The following DCP2 variants were observed in gnomAD, a reference collection of about 807,000 sequenced individuals.
The protein encoded by DCP2 is decapping mRNA 2.
DCP2 carries 30 observed loss-of-function variants against 56.1 expected under a neutral mutation model. The observed-to-expected ratio is 0.53, with a 90% CI of 0.40 to 0.73. DCP2 has a LOEUF of 0.73. DCP2 is among the 30% of genes least tolerant of loss of function. The probability of loss-of-function intolerance (pLI) is 0.00; values close to 1 mark genes in which losing one functional copy is unlikely to be tolerated. For synonymous variants in DCP2, 197 were observed against 163.3 expected, an observed-to-expected ratio of 1.21 and a Z score of -1.57; for missense variants, 533 against 502.7, an observed-to-expected ratio of 1.06 and a Z score of -0.58.
rs969169699 is a variant in DCP2 at position 112,992,613 on chromosome 5, T to G, written c.334-59T>G. The G allele has an allele frequency of 3.2e-6, 4 of 1,248,548 alleles. No individual in the cohort carries two copies. In the African/African-American group the frequency reaches 4.7e-5, roughly 15 times the overall value. 77.3% of individuals were successfully genotyped at this position (1,248,548 alleles called of 1,614,324 possible). ...GTAAGGAGAAAAATGCCTTTGATTT[T>G]TAGAAAGGAGCATGGAAAAGGAGGG... On this transcript the variant is annotated intron_variant, in intron 3 of 10. Transcript: ENST00000389063.
chr5:112,995,896 G>C (rs1171362734), intron 4 of DCP2, among the ~76,000 whole-genome samples: 2 of 152,192 alleles, frequency 1.3e-5, no homozygotes, highest in East Asian at 3.9e-4. Flanking sequence ...GGAAGTCCAA[G>C]AGCAAGGTGA....
chr5:112,983,309 G>T (rs566279297), intron 1 of DCP2, among the ~76,000 whole-genome samples: 1 of 152,110 alleles, frequency 6.6e-6, no homozygotes, highest in South Asian at 2.1e-4. Context: ...GCAATATTAC[G>T]GTTGCCTCTG....
intron 10 of DCP2, among the ~76,000 whole-genome samples, chr5:113,011,879 T>C (rs534618436): frequency 1.4e-4 from 21 of 152,332 alleles, no homozygotes; most frequent in Admixed American, 6.5e-4. Context: ...TTCAAGTTCA[T>C]TTTTATGTCT....
chr5:112,990,987 C>T (rs748554808), intron 2 of DCP2, among the ~76,000 whole-genome samples: 2 of 152,046 alleles, frequency 1.3e-5, no homozygotes, highest in Admixed American at 6.6e-5. Flanking sequence ...CACCACCTTT[C>T]TCTGCTCTCT....
At chr5:112,984,703 A>AAATATATATATATATATAT in intron 1 of DCP2, 270 of 64,776 alleles carry the variant, frequency 4.2e-3, no homozygotes, top group Non-Finnish European at 6.1e-3. Context: ...AAAAAAAAAA[A>AAATATATATATATATATAT]ATATATATAT....
rs1345205829 is a variant in DCP2 at position 113,015,797 on chromosome 5, T to G, written c.*2313T>G. 6.5e-6 allele frequency: 1 copy of G among 152,678 alleles called. No homozygotes were observed. Among genetic ancestry groups the G allele is most frequent in the Non-Finnish European group, 1.5e-5 (1 of 68,038 alleles). The allele number at this position is 152,678 out of a possible 1,614,324, so 9.5% of individuals were successfully genotyped here. On this transcript the variant is annotated 3_prime_UTR_variant, in exon 11 of 11. Coordinates refer to ENST00000389063, the MANE Select transcript of DCP2 (RefSeq NM_152624.6). Reference sequence around the variant, plus strand: ...ATTCTCTCAAACCTGGGTAATAGTTTCTCAGTGTTCAGGTTACCTTGAGAA... The same window carrying G: ...ATTCTCTCAAACCTGGGTAATAGTTGCTCAGTGTTCAGGTTACCTTGAGAA...
At position 113,018,026 on chromosome 5, in the gene DCP2, C is replaced by T. The variant is rs1414154003; in HGVS notation, c.*4542C>T. On this transcript the variant is annotated 3_prime_UTR_variant, in exon 11 of 11. Transcript: ENST00000389063. ...AGAACTCCAGTCAAACTTCAGTGCA[C>T]TGCTTTCTTACAGGAAGACAACTCA... 6.6e-6 allele frequency: 1 copy of T among 152,184 alleles called. No homozygotes were observed. The highest frequency in any genetic ancestry group is 6.5e-5 in the Admixed American group (1 of 15,292). 9.4% of individuals were successfully genotyped at this position (152,184 alleles called of 1,614,324 possible). A position where few individuals can be genotyped will look rare whatever the true frequency, so the allele number is the denominator to read the frequency against.
intron 1 of DCP2, 65 bp downstream of exon 1, chr5:112,977,051 G>C: frequency 7.5e-7 from 1 of 1,326,682 alleles, no homozygotes. Context: ...ACCCCCAGAG[G>C]CCTCTGGGTC....
At chr5:113,011,410 A>G (rs2150192528) in intron 10 of DCP2, among the ~76,000 whole-genome samples, 1 of 152,318 alleles carries the variant, frequency 6.6e-6, no homozygotes, top group South Asian at 2.1e-4. Flanking sequence ...GAATGTAGAA[A>G]GCTCTTTGTT....
chr5:112,988,548 T>TA (rs1197940076), intron 2 of DCP2, among the ~76,000 whole-genome samples: 1 of 150,372 alleles, frequency 6.7e-6, no homozygotes, highest in Non-Finnish European at 1.5e-5. Context: ...GTTGGTCTGT[T>TA]ACATCACTTG....
At chr5:113,008,844 GAT>G (rs1278725404) in intron 9 of DCP2, among the ~76,000 whole-genome samples, 3 of 144,856 alleles carry the variant, frequency 2.1e-5, no homozygotes, top group Admixed American at 2.0e-4. Flanking sequence ...AAACTAGACA[GAT>G]AACTTTTTTT....
Position 113,020,546 on chromosome 5 carries a change from ATGT to A in DCP2, c.*7069_*7071del, listed in dbSNP as rs1341544789. The A allele has an allele frequency of 6.6e-5, 10 of 152,244 alleles. No homozygotes were observed. The highest frequency in any genetic ancestry group is 2.0e-4 in the Admixed American group (3 of 15,288). The allele number at this position is 152,244 out of a possible 1,614,324, so 9.4% of individuals were successfully genotyped here. A position where few individuals can be genotyped will look rare whatever the true frequency, so the allele number is the denominator to read the frequency against. On this transcript the variant is annotated 3_prime_UTR_variant, in exon 11 of 11. Transcript: ENST00000389063. ...CAGGTTTCATTCTGTTTCTAGATTT[ATGT>A]TGTTGTAGTTGAACAGCAACTGTTT...
chr5:113,005,376 G>A (rs1049055330), intron 8 of DCP2, among the ~76,000 whole-genome samples: 1 of 151,940 alleles, frequency 6.6e-6, no homozygotes, highest in Admixed American at 6.5e-5. Context: ...GTTCTCCAAA[G>A]AAGATATGCA....
At chr5:112,987,844 C>G (rs1233701072) in intron 2 of DCP2, among the ~76,000 whole-genome samples, 2 of 151,384 alleles carry the variant, frequency 1.3e-5, no homozygotes, top group Admixed American at 6.6e-5. Flanking sequence ...GTTGCCCAGT[C>G]TGGCTTGAAT....
chr5:112,982,185 C>G (rs1748038335), intron 1 of DCP2, among the ~76,000 whole-genome samples: 1 of 133,820 alleles, frequency 7.5e-6, no homozygotes, highest in South Asian at 2.1e-4. Flanking sequence ...ATGTACTCCT[C>G]TCTAATATGT....
chr5:112,984,480 A>C (rs1013000985), intron 1 of DCP2: 1 of 151,902 alleles, frequency 6.6e-6, no homozygotes, highest in African/African-American at 2.4e-5. Flanking sequence ...TGAGCTGACA[A>C]CCAGCCATCA....
rs534453042 is a variant in DCP2, at chr5:113,018,437, C to T, written c.*4953C>T. 6 of 152,154 alleles carry T rather than the reference C, an allele frequency of 3.9e-5. No homozygotes were observed. The highest frequency in any genetic ancestry group is 2.6e-4 in the Admixed American group (4 of 15,274). The allele number at this position is 152,154 out of a possible 1,614,324, so 9.4% of individuals were successfully genotyped here. On this transcript the variant is annotated 3_prime_UTR_variant, in exon 11 of 11. Transcript: ENST00000389063. ...CTATGTTAGCAGCTTGAAGGCACAACGTAAAAGGAATGAGCTTTCACAAGG... is the reference window on the plus strand; with the variant it reads ...CTATGTTAGCAGCTTGAAGGCACAATGTAAAAGGAATGAGCTTTCACAAGG...
At chr5:112,978,128 C>T (rs1281005154) in intron 1 of DCP2, among the ~76,000 whole-genome samples, 2 of 152,128 alleles carry the variant, frequency 1.3e-5, no homozygotes, top group African/African-American at 4.8e-5. Context: ...AGGCACCCGC[C>T]ACCACACCCG....
At chr5:113,002,442 G>A (rs930115169) in intron 7 of DCP2, among the ~76,000 whole-genome samples, 4 of 150,756 alleles carry the variant, frequency 2.7e-5, no homozygotes, top group African/African-American at 9.8e-5. Context: ...AAAAAAAATT[G>A]TGTCAGAGAT....
Sources: gnomAD v4.1 joint callset for allele counts (sites outside exome capture counted in the v4.1 genomes callset) on GRCh38, gnomAD v4.1.1 for gene constraint, MANE v1.5 for transcripts, NCBI Gene and HGNC (gene_info 2026-07-23, HGNC 2026-07-21) for gene names.